Variants in IFT140 observed in about 807,000 individuals in gnomAD.
IFT140 encodes intraflagellar transport 140, also known as intraflagellar transport protein 140 homolog.
A neutral mutation model predicts 164.6 loss-of-function variants in IFT140; 133 were observed. That is an observed-to-expected ratio of 0.81 (90% CI 0.70 to 0.93). The LOEUF is 0.93. IFT140 is among the 40% of genes least tolerant of loss of function. IFT140 has a pLI of 0.00. For synonymous variants in IFT140, 860 were observed against 817.3 expected, an observed-to-expected ratio of 1.05 and a Z score of -0.89; for missense variants, 2,045 against 1,972.3, an observed-to-expected ratio of 1.04 and a Z score of -0.70.
intron 30 of IFT140, among the ~76,000 whole-genome samples, 186 bp from the exon 31 acceptor site, chr16:1,511,336 C>T (rs966996395): frequency 1.3e-5 from 2 of 152,138 alleles, no homozygotes; most frequent in African/African-American, 2.4e-5. Flanking sequence ...ATGCGGTGCC[C>T]GCGGACCGCA....
rs376818587 is a variant in IFT140 at position 1,587,181 on chromosome 16, A to G, written c.1009+17T>C. 2.0e-6 allele frequency: 3 copies of G among 1,515,750 alleles called. No individual in the cohort carries two copies. Among genetic ancestry groups the G allele is most frequent in the Non-Finnish European group, 2.7e-6 (3 of 1,091,366 alleles). The allele number at this position is 1,515,750 out of a possible 1,614,324, so 93.9% of individuals were successfully genotyped here. Reference sequence around the variant, plus strand: ...TGGTTGGTTCTGTTTCTCTTGTGCCAGGCCAGGAAGCCTCACCTTTGACTT... The same window carrying G: ...TGGTTGGTTCTGTTTCTCTTGTGCCGGGCCAGGAAGCCTCACCTTTGACTT... On this transcript the variant is annotated intron_variant, in intron 9 of 30. Coordinates refer to ENST00000426508, the MANE Select transcript of IFT140 (RefSeq NM_014714.4).
At chr16:1,516,154 A>AAAAAAAAAAAAAAAAAAAAAAAAAAAAAC in intron 30 of IFT140, among the ~76,000 whole-genome samples, 1 of 60,846 alleles carries the variant, frequency 1.6e-5, no homozygotes, top group Non-Finnish European at 2.8e-5. Flanking sequence ...AAAAAAAAAA[A>AAAAAAAAAAAAAAAAAAAAAAAAAAAAAC]AAAAAAAAAA....
chr16:1,545,743 T>C (rs1040355519), intron 19 of IFT140, among the ~76,000 whole-genome samples: 1 of 152,090 alleles, frequency 6.6e-6, no homozygotes, highest in African/African-American at 2.4e-5. Flanking sequence ...AAAGCCAGAG[T>C]GCAGCACACT....
Position 1,520,350 on chromosome 16 carries a change from A to G in IFT140, c.3661-7T>C, listed in dbSNP as rs371103301. The G allele has an allele frequency of 2.1e-5, 34 of 1,613,746 alleles. 1 individual carries two copies. In the African/African-American group the frequency reaches 3.5e-4, roughly 16 times the overall value. On this transcript the variant is annotated splice_region_variant and splice_polypyrimidine_tract_variant and intron_variant, in intron 27 of 30. Transcript: ENST00000426508. ...TGAGCAGCGCCCTCATGGCCTAGGC[A>G]GAGAGACAGCGGGGCTCAGGCAAGC...
At chr16:1,511,248 T>C in intron 30 of IFT140, 98 bp from the exon 31 acceptor site, 1 of 1,164,562 alleles carries the variant, frequency 8.6e-7, no homozygotes, top group Non-Finnish European at 1.2e-6. Flanking sequence ...TGGAGGCGGG[T>C]GGGGGTGCCT....
At chr16:1,560,994 G>A (rs775020483) in intron 18 of IFT140, among the ~76,000 whole-genome samples, 1 of 152,238 alleles carries the variant, frequency 6.6e-6, no homozygotes, top group Non-Finnish European at 1.5e-5. Flanking sequence ...GTCCCGAAAG[G>A]TGGAAGCTGG....
In IFT140 at chr16:1,551,348, C is replaced by G. The variant is rs375723031; in HGVS notation, c.2399+6587G>C. Among the ~76,000 whole-genome samples the G allele has an allele frequency of 1.5e-3, 228 of 152,190 alleles. No individual in the cohort carries two copies. Among genetic ancestry groups the G allele is most frequent in the African/African-American group, 5.1e-3 (213 of 41,532 alleles). On this transcript the variant is annotated intron_variant, in intron 19 of 30. Transcript: ENST00000426508. The surrounding 1 kb of genome is among the most constrained non-coding windows in gnomAD (Gnocchi z 4.0). ...GGATCAGCAGCAGGAGGGGCCCCTC[C>G]TCCCCAGGGCCAGTCAAGCCGGGGA...
chr16:1,532,262 A>G (rs1451325360), intron 19 of IFT140: 2 of 152,286 alleles, frequency 1.3e-5, no homozygotes, highest in East Asian at 1.9e-4. Flanking sequence ...TTCCCTGGGC[A>G]CAAGCCAAGG....
At chr16:1,567,012 C>A (rs2141581120) in intron 15 of IFT140, among the ~76,000 whole-genome samples, 1 of 152,256 alleles carries the variant, frequency 6.6e-6, no homozygotes, top group East Asian at 1.9e-4. Flanking sequence ...TGTGGGACTG[C>A]CCACTGGCTG....
Position 1,587,260 on chromosome 16 carries a change from T to C in IFT140, c.947A>G (p.Asp316Gly). 3 of 1,613,226 alleles carry C rather than the reference T, an allele frequency of 1.9e-6. No individual in the cohort carries two copies. Among genetic ancestry groups the C allele is most frequent in the Non-Finnish European group, 2.5e-6 (3 of 1,179,190 alleles). Residue 316 changes from aspartate (D) to glycine (G), a missense_variant, in exon 9 of 31, where the codon GAT becomes GGT. Coordinates refer to ENST00000426508, the MANE Select transcript of IFT140 (RefSeq NM_014714.4). ...TCCTTTCTCAAAGCCAAACTTCTCA[T>C]CTGGACTCAGTATATAATTCTCTCC... ...ERGENYILSP[D>G]EKFGFEKGEN...
intron 26 of IFT140, 105 bp from the exon 27 acceptor site, chr16:1,520,913 G>A (rs1652448301): frequency 1.2e-5 from 13 of 1,072,654 alleles, no homozygotes; most frequent in Middle Eastern, 2.4e-4. Context: ...TCGGCTCAGC[G>A]GCGGCTTCTG....
rs2040469167 is a variant in IFT140 at position 1,519,937 on chromosome 16, C to T, written c.3984G>A (p.Arg1328=). The part of the protein sequence containing the change: ...KAKSPLDQET[R]LAQLQSRMAL... Reference sequence around the variant, plus strand: ...CCATCCTGCTCTGCAGCTGCGCCAGCCTGGTCTCCTGGTCCAGGGGGCTCT... The same window carrying T: ...CCATCCTGCTCTGCAGCTGCGCCAGTCTGGTCTCCTGGTCCAGGGGGCTCT... The change falls in exon 29 of 31, where the codon AGG becomes AGA. Residue 1328 remains arginine, a synonymous_variant. Transcript: ENST00000426508. 1.2e-6 allele frequency: 2 copies of T among 1,603,170 alleles called. No homozygotes were observed. Among genetic ancestry groups the T allele is most frequent in the Non-Finnish European group, 1.7e-6 (2 of 1,175,754 alleles).
At chr16:1,519,855 T>G in intron 29 of IFT140, 26 bp downstream of exon 29, 1 of 1,515,470 alleles carries the variant, frequency 6.6e-7, no homozygotes, top group Non-Finnish European at 8.8e-7. Flanking sequence ...TGCCCTGGCC[T>G]GTCCCCGCTG....
At chr16:1,534,985 G>A (rs2030919298) in intron 19 of IFT140, among the ~76,000 whole-genome samples, 1 of 152,118 alleles carries the variant, frequency 6.6e-6, no homozygotes, top group Non-Finnish European at 1.5e-5. Context: ...CGGGAGGACT[G>A]CTTGAGGCCA....
intron 8 of IFT140, 117 bp downstream of exon 8, chr16:1,587,816 A>G (rs541079869): frequency 1.3e-6 from 1 of 769,694 alleles, no homozygotes; most frequent in East Asian, 2.7e-5. Context: ...CCAGTATGAG[A>G]GCACTCAGCA....
At chr16:1,607,043 C>T in intron 3 of IFT140, 77 bp downstream of exon 3, 2 of 1,452,814 alleles carry the variant, frequency 1.4e-6, no homozygotes, top group Non-Finnish European at 1.9e-6. Context: ...CATGTGCACA[C>T]ACACAAGGAC....
intron 19 of IFT140, chr16:1,541,387 C>T: frequency 1.0e-6 from 1 of 985,428 alleles, no homozygotes; most frequent in Non-Finnish European, 1.2e-6. Context: ...GTCCCAAGTC[C>T]CTCAGCTGCT....
In IFT140 at chr16:1,584,202, C is replaced by T. The variant is rs371515559; in HGVS notation, c.1359+15G>A. On this transcript the variant is annotated intron_variant, in intron 11 of 30. Transcript: ENST00000426508. ...TTCTGTCTGTGTCCCACCCACGGGT[C>T]CCCTCGGCAGTCACCTTGGTGGCAA... 28 of 1,608,938 alleles carry T rather than the reference C, an allele frequency of 1.7e-5. No homozygotes were observed. The African/African-American group carries it at 3.2e-4, about 18-fold the overall frequency.
At chr16:1,556,574 C>T (rs928378554) in intron 19 of IFT140, among the ~76,000 whole-genome samples, 4 of 152,208 alleles carry the variant, frequency 2.6e-5, no homozygotes, top group East Asian at 1.9e-4. Flanking sequence ...TTGTGAGGCC[C>T]GTATTGCTCC....
Sources: gnomAD v4.1 joint callset for allele counts (sites outside exome capture counted in the v4.1 genomes callset) on GRCh38, gnomAD v4.1.1 for gene constraint, Gnocchi (gnomAD v3.1) non-coding constraint, MANE v1.5 for transcripts, NCBI Gene and HGNC (gene_info 2026-07-23, HGNC 2026-07-21) for gene names.